Variants in CACNA1B observed in about 807,000 individuals in gnomAD.
CACNA1B encodes the protein calcium voltage-gated channel subunit alpha1 B, also known as voltage-dependent N-type calcium channel subunit alpha-1B.
Under a neutral mutation model 247.2 loss-of-function variants are expected in CACNA1B, and 70 were observed. That is an observed-to-expected ratio of 0.28 (90% CI 0.23 to 0.35). The LOEUF (loss-of-function observed/expected upper bound fraction) is 0.35. Among genes scored for constraint, CACNA1B ranks in the 10% least tolerant of loss-of-function variants. The pLI, the probability that CACNA1B is intolerant of heterozygous loss-of-function variation, is 1.00. For missense variants in CACNA1B, 2,367 were observed against 3,197.4 expected (o/e 0.74, Z 6.26); for synonymous variants, 1,231 against 1,294.4 (o/e 0.95, Z 1.05).
At chr9:137,928,317 C>T (rs1051991738) in intron 6 of CACNA1B, among the ~76,000 whole-genome samples, 10 of 152,104 alleles carry the variant, frequency 6.6e-5, no homozygotes, top group East Asian at 1.9e-4. Flanking sequence ...TGGATGGTCT[C>T]GATCTCTTGA....
chr9:137,963,365 A>T (rs548130260), intron 10 of CACNA1B, among the ~76,000 whole-genome samples: 1 of 152,250 alleles, frequency 6.6e-6, no homozygotes, highest in South Asian at 2.1e-4. Context: ...TAATTGGTGC[A>T]TTTAGCCTAT....
chr9:138,109,611 C>T (rs1278680560), intron 39 of CACNA1B, among the ~76,000 whole-genome samples: 2 of 152,218 alleles, frequency 1.3e-5, no homozygotes, highest in South Asian at 2.1e-4. Flanking sequence ...CACCTCCTTA[C>T]AGGCCCCGTC....
Position 137,984,189 on chromosome 9 carries a change from A to G in CACNA1B, c.1708A>G (p.Ser570Gly). The change falls in exon 13 of 47, where the codon AGC becomes GGC. Residue 570 changes from serine to glycine, a missense_variant. Ser to Gly is a moderately conservative substitution (Grantham distance 56). Transcript: ENST00000371372. ...EVVWAAIKPG[S>G]SFGISVLRAL... is the part of the protein sequence containing the mutation. ...GGTCTGGGCGGCCATCAAGCCGGGA[A>G]GCTCCTTTGGGATCAGTGTGCTGCG... is the stretch of plus-strand genomic sequence containing the variant. The G allele has an allele frequency of 3.1e-6, 5 of 1,605,656 alleles. No individual in the cohort carries two copies. The highest frequency in any genetic ancestry group is 3.4e-6 in the Non-Finnish European group (4 of 1,176,464).
chr9:138,109,822 A>G (rs990248940), intron 39 of CACNA1B, among the ~76,000 whole-genome samples: 1 of 152,166 alleles, frequency 6.6e-6, no homozygotes, highest in Non-Finnish European at 1.5e-5. Flanking sequence ...TGTAATTCCA[A>G]CACTTTGGGA....
At chr9:137,995,930 CAG>C (rs1221586185) in intron 15 of CACNA1B, among the ~76,000 whole-genome samples, 2 of 152,332 alleles carry the variant, frequency 1.3e-5, no homozygotes, top group South Asian at 2.1e-4. Context: ...ACATCACTGT[CAG>C]GGGAATGCAA....
intron 26 of CACNA1B, among the ~76,000 whole-genome samples, chr9:138,055,948 C>G (rs932189797): frequency 5.3e-5 from 8 of 152,058 alleles, no homozygotes; most frequent in African/African-American, 1.9e-4. Flanking sequence ...ATCGCTTGAA[C>G]CTGGAAGGCG....
intron 10 of CACNA1B, among the ~76,000 whole-genome samples, chr9:137,969,189 C>T (rs926177448): frequency 6.6e-6 from 1 of 152,214 alleles, no homozygotes; most frequent in Non-Finnish European, 1.5e-5. Flanking sequence ...TCCCCCAGGG[C>T]GTCTGGATCA....
rs1469736113 is a variant in CACNA1B, at chr9:138,059,658, A to G, written c.4589A>G (p.Tyr1530Cys). ...ACTGCTCTTCTTTTTCTCTAGAACTATTTCAGAGATGCCTGGAATGTCTTT... is the reference window on the plus strand; with the variant it reads ...ACTGCTCTTCTTTTTCTCTAGAACTGTTTCAGAGATGCCTGGAATGTCTTT... The part of the protein sequence containing the change: ...LKIIAFGVLN[Y>C]FRDAWNVFDF... Residue 1530 changes from tyrosine to cysteine, a missense_variant, in exon 31 of 47, where the codon TAT (tyrosine) becomes TGT (cysteine). Transcript: ENST00000371372. This position sits in a 1 kb window ranked among gnomAD's most constrained non-coding sequence, Gnocchi z 4.2. 6.3e-7 allele frequency: 1 copy of G among 1,595,380 alleles called. No homozygotes were observed. The highest frequency in any genetic ancestry group is 8.6e-7 in the Non-Finnish European group (1 of 1,162,944).
chr9:137,879,518 G>A (rs1956887714), intron 2 of CACNA1B, among the ~76,000 whole-genome samples: 1 of 152,254 alleles, frequency 6.6e-6, no homozygotes, highest in South Asian at 2.1e-4. Context: ...GGTCAGCTCT[G>A]AATGCCATGT....
Position 138,047,004 on chromosome 9 carries a change from C to T in CACNA1B, c.3514C>T (p.Pro1172Ser). ...LSSIALAAED[P>S]VRTDSPRNNA... ...CAGCATCGCCCTGGCTGCTGAGGAC[C>T]CAGTGCGCACAGACTCGCCCAGGAA... The change falls in exon 22 of 47, where the codon CCA (proline) becomes TCA (serine). Residue 1172 changes from proline to serine, a missense_variant. Coordinates refer to ENST00000371372, the MANE Select transcript of CACNA1B (RefSeq NM_000718.4). 6.2e-7 allele frequency: 1 copy of T among 1,613,068 alleles called. No individual in the cohort carries two copies. Among genetic ancestry groups the T allele is most frequent in the Non-Finnish European group, 8.5e-7 (1 of 1,179,346 alleles).
intron 6 of CACNA1B, among the ~76,000 whole-genome samples, chr9:137,921,373 C>T (rs941830201): frequency 5.3e-5 from 8 of 152,084 alleles, no homozygotes; most frequent in South Asian, 2.1e-4. Context: ...ACCACGGCCG[C>T]GCAGCATCCT....
rs1343366218 is a variant in CACNA1B at position 138,007,700 on chromosome 9, G to A, written c.2092+816G>A. 2.0e-5 allele frequency among the ~76,000 whole-genome samples: 3 copies of A among 152,164 alleles called. No individual in the cohort carries two copies. The highest frequency in any genetic ancestry group is 2.9e-5 in the Non-Finnish European group (2 of 68,024). ...TGTGCATTCTCACAGGCTGCAGGGG[G>A]AGCCCGTGTTTCTGTTCTGGGGACC... On this transcript the variant is annotated intron_variant, in intron 16 of 46. Transcript: ENST00000371372. The surrounding 1 kb of genome is among the most constrained non-coding windows in gnomAD (Gnocchi z 4.1).
intron 36 of CACNA1B, among the ~76,000 whole-genome samples, chr9:138,083,336 C>G (rs1331001455): frequency 6.6e-6 from 1 of 151,074 alleles, no homozygotes; most frequent in Admixed American, 6.6e-5. Context: ...TACACCCTTC[C>G]CTGAGGGGCC....
At chr9:138,083,410 G>T (rs1216193971) in intron 36 of CACNA1B, among the ~76,000 whole-genome samples, 1 of 150,912 alleles carries the variant, frequency 6.6e-6, no homozygotes, top group African/African-American at 2.5e-5. Context: ...AGCTGAAGTG[G>T]TACCCTGCCT....
intron 6 of CACNA1B, among the ~76,000 whole-genome samples, chr9:137,926,563 G>A (rs910200665): frequency 3.3e-5 from 5 of 152,182 alleles, no homozygotes; most frequent in African/African-American, 1.2e-4. Flanking sequence ...GTGGAATTGA[G>A]GGATCATATG....
At chr9:138,109,657 A>T (rs1961554605) in intron 39 of CACNA1B, among the ~76,000 whole-genome samples, 2 of 152,222 alleles carry the variant, frequency 1.3e-5, no homozygotes, top group African/African-American at 4.8e-5. Flanking sequence ...TAGGGCTTCT[A>T]CATGTGGACT....
At chr9:137,938,004 A>G (rs1957690061) in intron 6 of CACNA1B, among the ~76,000 whole-genome samples, 1 of 149,112 alleles carries the variant, frequency 6.7e-6, no homozygotes, top group African/African-American at 2.5e-5. Flanking sequence ...CTTAAGAGCT[A>G]TGAGCCAAAA....
At position 138,007,074 on chromosome 9, in the gene CACNA1B, G is replaced by T. The variant is rs757464910; in HGVS notation, c.2092+190G>T. Reference sequence around the variant, plus strand: ...AGGGCTCTGGAGGCTTTGGGACTCAGCTTGAGGGAGCATGAGCTGCTGCGT... The same window carrying T: ...AGGGCTCTGGAGGCTTTGGGACTCATCTTGAGGGAGCATGAGCTGCTGCGT... On this transcript the variant is annotated intron_variant, in intron 16 of 46. Coordinates refer to ENST00000371372, the MANE Select transcript of CACNA1B (RefSeq NM_000718.4). This position sits in a 1 kb window ranked among gnomAD's most constrained non-coding sequence, Gnocchi z 4.1. Among the ~76,000 whole-genome samples the T allele has an allele frequency of 6.6e-5, 10 of 151,942 alleles. No individual in the cohort carries two copies. The highest frequency in any genetic ancestry group is 1.5e-4 in the Non-Finnish European group (10 of 67,978).
At position 138,072,083 on chromosome 9, in the gene CACNA1B, G is replaced by A. The variant is rs541516032; in HGVS notation, c.4675-1405G>A. Among the ~76,000 whole-genome samples, 4 of 152,208 alleles carry A rather than the reference G, an allele frequency of 2.6e-5. No homozygotes were observed. In the South Asian group the frequency reaches 8.3e-4, roughly 32 times the overall value. On this transcript the variant is annotated intron_variant, in intron 32 of 46. Coordinates refer to ENST00000371372, the MANE Select transcript of CACNA1B (RefSeq NM_000718.4). This position sits in a 1 kb window ranked among gnomAD's most constrained non-coding sequence, Gnocchi z 4.5. ...GCACAAGCAGATTACGGAGCTACAG[G>A]TACACTTGTGCTGCCCTCTGGGGTC...
Sources: gnomAD v4.1 joint callset for allele counts (sites outside exome capture counted in the v4.1 genomes callset) on GRCh38, gnomAD v4.1.1 for gene constraint, Gnocchi (gnomAD v3.1) non-coding constraint, MANE v1.5 for transcripts, NCBI Gene and HGNC (gene_info 2026-07-23, HGNC 2026-07-21) for gene names.